The following DLG1 variants were observed in gnomAD, a reference collection of about 807,000 sequenced individuals.
The protein encoded by DLG1 is discs large MAGUK scaffold protein 1, also known as disks large homolog 1.
A neutral mutation model predicts 123.4 loss-of-function variants in DLG1; 42 were observed. The ratio of observed to expected loss-of-function variants is 0.34; its 90% CI spans 0.27 to 0.44. The LOEUF is 0.44. DLG1 is among the 20% of genes least tolerant of loss of function. The probability of loss-of-function intolerance (pLI) is 1.00; values close to 1 mark genes in which losing one functional copy is unlikely to be tolerated. For synonymous variants in DLG1, 317 were observed against 356.2 expected, an observed-to-expected ratio of 0.89 and a Z score of 1.24; for missense variants, 942 against 1,082.6, an observed-to-expected ratio of 0.87 and a Z score of 1.82.
intron 4 of DLG1, among the ~76,000 whole-genome samples, chr3:197,203,804 T>C (rs1303330121): frequency 8.5e-5 from 13 of 152,228 alleles, no homozygotes; most frequent in Admixed American, 3.3e-4. Context: ...AGTCATTAAA[T>C]TGTATTGCTC....
chr3:197,295,742 A>G (rs1156887948), intron 3 of DLG1, among the ~76,000 whole-genome samples: 1 of 152,246 alleles, frequency 6.6e-6, no homozygotes, highest in African/African-American at 2.4e-5. Flanking sequence ...GACTTGGGAT[A>G]TATCATTCAA....
intron 14 of DLG1, among the ~76,000 whole-genome samples, chr3:197,101,966 A>G (rs1763725060): frequency 6.6e-6 from 1 of 152,106 alleles, no homozygotes; most frequent in South Asian, 2.1e-4. Flanking sequence ...TATGTTGCCC[A>G]GGCTGGTCTC....
intron 17 of DLG1, 29 bp downstream of exon 17, chr3:197,081,022 A>AC: frequency 6.3e-7 from 1 of 1,592,120 alleles, no homozygotes. Flanking sequence ...AACAGGAATT[A>AC]CAAAAATGTA....
chr3:197,178,775 T>C (rs1808500861), intron 5 of DLG1, among the ~76,000 whole-genome samples: 1 of 152,132 alleles, frequency 6.6e-6, no homozygotes, highest in Admixed American at 6.6e-5. Flanking sequence ...GTGTTAACAG[T>C]TGTTGTAGGG....
chr3:197,261,041 T>C (rs1759193444), intron 4 of DLG1, among the ~76,000 whole-genome samples: 1 of 152,130 alleles, frequency 6.6e-6, no homozygotes, highest in Non-Finnish European at 1.5e-5. Context: ...CTAAATCCAT[T>C]TCACTGATCC....
rs1773090258 is a variant in DLG1 at position 197,116,045 on chromosome 3, C to A, written c.1325G>T (p.Gly442Val). ...RKVVLHRGST[G>V]LGFNIVGGED... ...TCCTCCTACAATGTTGAAACCAAGG[C>A]CCGTTGAGCCACGATGAAGAACAAC... is the stretch of plus-strand genomic sequence containing the variant. Residue 442 changes from glycine to valine, a missense_variant, in exon 13 of 25, where the codon GGC becomes GTC. Physicochemically the swap from Gly to Val is moderately radical, Grantham distance 109. Coordinates refer to ENST00000667157, the MANE Select transcript of DLG1 (RefSeq NM_001366207.1). 12 of 1,609,890 alleles carry A rather than the reference C, an allele frequency of 7.5e-6. No individual in the cohort carries two copies. Among genetic ancestry groups the A allele is most frequent in the Non-Finnish European group, 1.0e-5 (12 of 1,178,814 alleles).
chr3:197,106,709 A>T (rs1435768105), intron 13 of DLG1, among the ~76,000 whole-genome samples: 2 of 152,214 alleles, frequency 1.3e-5, no homozygotes. Flanking sequence ...TGTTGAACAA[A>T]ACTACATATT....
intron 14 of DLG1, among the ~76,000 whole-genome samples, chr3:197,103,746 A>C (rs989777398): frequency 2.0e-5 from 3 of 150,356 alleles, no homozygotes; most frequent in African/African-American, 7.4e-5. Context: ...TACTAGATTA[A>C]AAAAGAAATT....
chr3:197,090,827 C>G, intron 15 of DLG1, 85 bp downstream of exon 15: 1 of 771,958 alleles, frequency 1.3e-6, no homozygotes, highest in Non-Finnish European at 2.1e-6. Flanking sequence ...TACGGTAAAA[C>G]TAAGTAAGTT....
chr3:197,180,692 T>C (rs1002130367), intron 5 of DLG1, among the ~76,000 whole-genome samples: 6 of 151,846 alleles, frequency 4.0e-5, no homozygotes, highest in African/African-American at 1.5e-4. Context: ...GGTGAGGAAA[T>C]CAGGGGAATC....
intron 5 of DLG1, among the ~76,000 whole-genome samples, chr3:197,185,243 C>T (rs1324082027): frequency 6.6e-6 from 1 of 152,194 alleles, no homozygotes; most frequent in Non-Finnish European, 1.5e-5. Context: ...TCCTTGTCTA[C>T]GTGCTTACCA....
At chr3:197,119,946 A>AAAGCAAAAACGAAAAAC (rs1775380785) in intron 11 of DLG1, among the ~76,000 whole-genome samples, 1 of 152,160 alleles carries the variant, frequency 6.6e-6, no homozygotes, top group African/African-American at 2.4e-5. Flanking sequence ...AACCTGGTAA[A>AAAGCAAAAACGAAAAAC]AAGCAAAAAC....
At chr3:197,262,543 C>T (rs1759862116) in intron 4 of DLG1, among the ~76,000 whole-genome samples, 1 of 152,194 alleles carries the variant, frequency 6.6e-6, no homozygotes, top group Non-Finnish European at 1.5e-5. Flanking sequence ...CAATTTAAAA[C>T]TAGTCAGTCA....
chr3:197,093,305 T>C (rs1022821685), intron 14 of DLG1, among the ~76,000 whole-genome samples: 2 of 152,130 alleles, frequency 1.3e-5, no homozygotes, highest in South Asian at 4.1e-4. Flanking sequence ...ACTATAGACA[T>C]GCGCTAACAT....
rs189041017 is a variant in DLG1 at position 197,050,170 on chromosome 3, G to A, written c.2575+1407C>T. On this transcript the variant is annotated intron_variant, in intron 24 of 24. Coordinates refer to ENST00000667157, the MANE Select transcript of DLG1 (RefSeq NM_001366207.1). The stretch of plus-strand genomic sequence containing the variant: ...ATCACGAGGTCAGGAGATCAAGACC[G>A]TCCTGGCTAACATGGTGAAACCCCA... Among the ~76,000 whole-genome samples, 285 of 151,970 alleles carry A rather than the reference G, an allele frequency of 1.9e-3. 2 individuals are homozygous for A. Among genetic ancestry groups the A allele is most frequent in the Non-Finnish European group, 2.9e-3 (196 of 67,950 alleles).
chr3:197,282,253 T>C (rs1448533171), intron 4 of DLG1, among the ~76,000 whole-genome samples: 2 of 152,198 alleles, frequency 1.3e-5, no homozygotes, highest in Non-Finnish European at 2.9e-5. Flanking sequence ...ATGCCATCCT[T>C]CAAGCCAATA....
chr3:197,070,842 G>C (rs1743413244), intron 18 of DLG1: 1 of 151,992 alleles, frequency 6.6e-6, no homozygotes, highest in Non-Finnish European at 1.5e-5. Context: ...AAAGTGCTGG[G>C]ATTACAGGTG....
At chr3:197,190,515 T>C (rs894059334) in intron 5 of DLG1, among the ~76,000 whole-genome samples, 2 of 152,222 alleles carry the variant, frequency 1.3e-5, no homozygotes, top group Admixed American at 6.5e-5. Context: ...AGTGGAGCAG[T>C]GCAGTTCCAA....
At chr3:197,100,160 A>G (rs1186751881) in intron 14 of DLG1, among the ~76,000 whole-genome samples, 1 of 152,268 alleles carries the variant, frequency 6.6e-6, no homozygotes, top group Admixed American at 6.5e-5. Flanking sequence ...ACTGAAAATG[A>G]TAAGAAATGA....
Sources: allele counts gnomAD v4.1 joint callset (sites outside exome capture counted in the v4.1 genomes callset), GRCh38; gene constraint gnomAD v4.1.1; transcripts MANE v1.5; gene names NCBI Gene and HGNC (gene_info 2026-07-23, HGNC 2026-07-21).